The following KPNA4 variants were observed in gnomAD, a reference collection of about 807,000 sequenced individuals.
KPNA4 encodes the protein importin subunit alpha-3.
A neutral mutation model predicts 71.3 loss-of-function variants in KPNA4; 13 were observed. The ratio of observed to expected loss-of-function variants is 0.18; its 90% CI spans 0.12 to 0.29. The LOEUF is 0.29. Ranked by LOEUF, KPNA4 falls within the 10% of genes least tolerant of loss-of-function variation. The pLI is 1.00. For missense variants in KPNA4, 334 were observed against 603.2 expected, an observed-to-expected ratio of 0.55 and a Z score of 4.67; for synonymous variants, 189 against 195.2, an observed-to-expected ratio of 0.97 and a Z score of 0.26.
At chr3:160,554,976 C>T (rs1331514346) in intron 1 of KPNA4, among the ~76,000 whole-genome samples, 2 of 152,224 alleles carry the variant, frequency 1.3e-5, no homozygotes, top group Non-Finnish European at 2.9e-5. Context: ...AGTGCGAACT[C>T]TATGTATAGC....
At chr3:160,533,980 C>T (rs1393885594) in intron 5 of KPNA4, among the ~76,000 whole-genome samples, 4 of 152,170 alleles carry the variant, frequency 2.6e-5, no homozygotes, top group African/African-American at 4.8e-5. Flanking sequence ...CATTAATTTG[C>T]TATTTTGCAA....
intron 1 of KPNA4, among the ~76,000 whole-genome samples, chr3:160,544,765 C>A (rs539296439): frequency 1.3e-5 from 2 of 152,212 alleles, no homozygotes; most frequent in South Asian, 2.1e-4. Context: ...AATCTGATTT[C>A]TCTGCTGATT....
Position 160,565,363 on chromosome 3 carries a change from A to C in KPNA4, c.-81T>G. ...ACGCGCCGCACCGACACTCCCAGGA[A>C]CCGGGCCGCCGCCTGAGCTGCTGTG... On this transcript the variant is annotated 5_prime_UTR_variant, in exon 1 of 17. Transcript: ENST00000334256. The C allele has an allele frequency of 8.3e-7, 1 of 1,204,556 alleles. No individual in the cohort carries two copies. The highest frequency in any genetic ancestry group is 2.0e-5 in the Admixed American group (1 of 49,286). 74.6% of individuals were successfully genotyped at this position (1,204,556 alleles called of 1,614,324 possible).
chr3:160,543,010 C>A (rs1160886366), intron 1 of KPNA4, among the ~76,000 whole-genome samples: 2 of 151,984 alleles, frequency 1.3e-5, no homozygotes, highest in Non-Finnish European at 2.9e-5. Context: ...AACATTCAAA[C>A]AACAGGAAAA....
chr3:160,501,500 T>C lies in KPNA4; in HGVS notation c.*604A>G, dbSNP rs1379890834. ...TGAAGGTGAATCAAGCTTGCATGCG[T>C]TCACATACAGCACCACAACCACGCT... On this transcript the variant is annotated 3_prime_UTR_variant, in exon 17 of 17. Transcript: ENST00000334256. The C allele has an allele frequency of 6.6e-6, 1 of 152,606 alleles. No individual in the cohort carries two copies. The highest frequency in any genetic ancestry group is 2.4e-5 in the African/African-American group (1 of 41,416). The allele number at this position is 152,606 out of a possible 1,614,324, so 9.5% of individuals were successfully genotyped here. A position where few individuals can be genotyped will look rare whatever the true frequency, so the allele number is the denominator to read the frequency against.
At chr3:160,557,021 G>C (rs1722150482) in intron 1 of KPNA4, among the ~76,000 whole-genome samples, 1 of 152,078 alleles carries the variant, frequency 6.6e-6, no homozygotes, top group South Asian at 2.1e-4. Flanking sequence ...TCACTATACT[G>C]CCTAGGATGG....
chr3:160,503,383 TG>T (rs1418646643), intron 16 of KPNA4, among the ~76,000 whole-genome samples: 1 of 152,170 alleles, frequency 6.6e-6, no homozygotes, highest in African/African-American at 2.4e-5. Flanking sequence ...AAATGCTCAT[TG>T]GAACATTTTG....
rs1433189992 is a variant in KPNA4 at position 160,501,015 on chromosome 3, T to C, written c.*1089A>G. ...CATGCAAAGATCTTTATGTTATCTCTGAAAATGAAAAGGATGGCCTTTTAA... is the reference window on the plus strand; with the variant it reads ...CATGCAAAGATCTTTATGTTATCTCCGAAAATGAAAAGGATGGCCTTTTAA... On this transcript the variant is annotated 3_prime_UTR_variant, in exon 17 of 17. Transcript: ENST00000334256. 6.6e-6 allele frequency: 1 copy of C among 152,576 alleles called. No individual in the cohort carries two copies. Among genetic ancestry groups the C allele is most frequent in the African/African-American group, 2.4e-5 (1 of 41,434 alleles). The allele number at this position is 152,576 out of a possible 1,614,324, so 9.5% of individuals were successfully genotyped here.
At chr3:160,508,354 A>C in intron 14 of KPNA4, 85 bp from the exon 15 acceptor site, 12 of 986,114 alleles carry the variant, frequency 1.2e-5, no homozygotes, top group Non-Finnish European at 1.7e-5. Flanking sequence ...TCTGATTTTG[A>C]AATTTCGAGT....
Position 160,514,149 on chromosome 3 carries a change from T to C in KPNA4, c.1065A>G (p.Ala355=), listed in dbSNP as rs77339528. ...EAVWFLSNIT[A]GNQQQVQAVI... is the part of the protein sequence containing the mutation. ...CTGCCTGTACCTGCTGCTGATTTCC[T>C]GCAGTGATGTTGGAGAGGAACCACA... Residue 355 remains alanine, a synonymous_variant, in exon 13 of 17, where the codon GCA becomes GCG. Coordinates refer to ENST00000334256, the MANE Select transcript of KPNA4 (RefSeq NM_002268.5). 6.4e-3 allele frequency: 10,314 copies of C among 1,601,356 alleles called. 610 individuals carry two copies. In the African/African-American group the frequency reaches 0.12, roughly 19 times the overall value.
At chr3:160,550,627 T>C (rs908980605) in intron 1 of KPNA4, among the ~76,000 whole-genome samples, 1 of 152,212 alleles carries the variant, frequency 6.6e-6, no homozygotes, top group Non-Finnish European at 1.5e-5. Flanking sequence ...GAATATGTTG[T>C]TTGCTGTGGG....
At chr3:160,533,253 G>A (rs889656723) in intron 5 of KPNA4, among the ~76,000 whole-genome samples, 7 of 152,218 alleles carry the variant, frequency 4.6e-5, no homozygotes, top group African/African-American at 1.7e-4. Context: ...TCAAACTCCT[G>A]ACCTCAAGTG....
chr3:160,531,140 T>C (rs1721567576), intron 6 of KPNA4, among the ~76,000 whole-genome samples, 200 bp from the exon 7 acceptor site: 2 of 152,222 alleles, frequency 1.3e-5, no homozygotes, highest in African/African-American at 4.8e-5. Flanking sequence ...TCCTCCAGCA[T>C]CCTGATTTTT....
chr3:160,554,578 G>C (rs1722099976), intron 1 of KPNA4, among the ~76,000 whole-genome samples: 1 of 152,142 alleles, frequency 6.6e-6, no homozygotes, highest in Admixed American at 6.5e-5. Context: ...GGGGGCCCTA[G>C]ATAGTTTCAG....
intron 1 of KPNA4, among the ~76,000 whole-genome samples, chr3:160,543,077 G>A (rs905290998): frequency 8.0e-6 from 1 of 125,138 alleles, no homozygotes; most frequent in Non-Finnish European, 1.9e-5. Flanking sequence ...AATAAAGAAG[G>A]GAAAAATCTG....
chr3:160,507,212 C>G (rs1203982284), intron 15 of KPNA4, among the ~76,000 whole-genome samples: 1 of 151,972 alleles, frequency 6.6e-6, no homozygotes, highest in Non-Finnish European at 1.5e-5. Flanking sequence ...TTAAGATTCA[C>G]AGGAGGTCGG....
intron 2 of KPNA4, among the ~76,000 whole-genome samples, chr3:160,536,459 ACT>A (rs1721696439): frequency 6.6e-6 from 1 of 152,152 alleles, no homozygotes; most frequent in Non-Finnish European, 1.5e-5. Context: ...GGGACTTACT[ACT>A]GCCCATTAAT....
At chr3:160,509,409 A>G (rs1721049203) in intron 14 of KPNA4, among the ~76,000 whole-genome samples, 1 of 152,188 alleles carries the variant, frequency 6.6e-6, no homozygotes. Flanking sequence ...AAAAAACAAA[A>G]CAAAACAAAA....
chr3:160,534,250 A>C (rs1721634418), intron 5 of KPNA4, among the ~76,000 whole-genome samples: 1 of 152,184 alleles, frequency 6.6e-6, no homozygotes, highest in Non-Finnish European at 1.5e-5. Context: ...TCTCTTTCCT[A>C]CTGATAAACT....
Sources: allele counts gnomAD v4.1 joint callset (sites outside exome capture counted in the v4.1 genomes callset), GRCh38; gene constraint gnomAD v4.1.1; transcripts MANE v1.5; gene names NCBI Gene and HGNC (gene_info 2026-07-23, HGNC 2026-07-21).